The following GLDC variants were observed in gnomAD, a reference collection of about 807,000 sequenced individuals.
GLDC encodes the protein glycine decarboxylase.
Under a neutral mutation model 121.3 loss-of-function variants are expected in GLDC, and 104 were observed. The ratio of observed to expected loss-of-function variants is 0.86; its 90% CI spans 0.73 to 1.01. GLDC has a LOEUF of 1.01. Among genes scored for constraint, GLDC ranks in the 50% least tolerant of loss-of-function variants. GLDC has a pLI of 0.00. For synonymous variants in GLDC, 546 were observed against 480.6 expected (o/e 1.14, Z -1.78); for missense variants, 1,429 against 1,306.6 (o/e 1.09, Z -1.44).
intron 2 of GLDC, among the ~76,000 whole-genome samples, chr9:6,635,998 C>A (rs545771033): frequency 6.6e-6 from 1 of 152,276 alleles, no homozygotes; most frequent in Non-Finnish European, 1.5e-5. Context: ...TGAATCCTAA[C>A]GTAAACAATC....
chr9:6,618,272 T>C (rs916437858), intron 3 of GLDC, among the ~76,000 whole-genome samples: 1 of 152,172 alleles, frequency 6.6e-6, no homozygotes, highest in African/African-American at 2.4e-5. Context: ...AAAAAGAGCC[T>C]AGGAGTCCCC....
At chr9:6,576,031 G>C (rs367995615) in intron 15 of GLDC, among the ~76,000 whole-genome samples, 3 of 152,270 alleles carry the variant, frequency 2.0e-5, no homozygotes, top group African/African-American at 7.2e-5. Flanking sequence ...TTTCTTTCAG[G>C]CCCTTCAAAC....
At position 6,550,873 on chromosome 9, in the gene GLDC, C is replaced by A; in HGVS notation, c.2499G>T (p.Ala833=). 3.1e-6 allele frequency: 5 copies of A among 1,613,712 alleles called. No homozygotes were observed. Among genetic ancestry groups the A allele is most frequent in the Non-Finnish European group, 3.4e-6 (4 of 1,179,688 alleles). Reference sequence around the variant, plus strand: ...TGGCCATGTAGTTGGCATTTAATATCGCAGTTTCCGTGGCTTGTTTAAGAC... The same window carrying A: ...TGGCCATGTAGTTGGCATTTAATATAGCAGTTTCCGTGGCTTGTTTAAGAC... ...GKGLKQATET[A]ILNANYMAKR... is the part of the protein sequence containing the mutation. The change falls in exon 21 of 25, where the codon GCG becomes GCT. Residue 833 remains alanine (A), a synonymous_variant. Coordinates refer to ENST00000321612, the MANE Select transcript of GLDC (RefSeq NM_000170.3).
intron 2 of GLDC, among the ~76,000 whole-genome samples, chr9:6,629,958 T>TATATATATATATGTATATATATATA: frequency 2.5e-5 from 2 of 78,662 alleles, no homozygotes; most frequent in African/African-American, 6.1e-5. Context: ...TATATATATA[T>TATATATATATATGTATATATATATA]TTTTTTTTTT....
chr9:6,622,146 CCACACACACACAGACACACACACACA>C (rs1193320578), intron 2 of GLDC, among the ~76,000 whole-genome samples: 1 of 117,576 alleles, frequency 8.5e-6, no homozygotes, highest in Non-Finnish European at 1.7e-5. Flanking sequence ...TCACCCTCCA[CCACACACACACAGACACACACACACA>C]CACACACACA....
intron 2 of GLDC, among the ~76,000 whole-genome samples, chr9:6,637,673 C>T (rs1156705933): frequency 6.6e-6 from 1 of 151,944 alleles, no homozygotes; most frequent in Non-Finnish European, 1.5e-5. Flanking sequence ...TGCCACGTTG[C>T]CCAGGCTGAT....
At chr9:6,596,500 G>A (rs1189050596) in intron 8 of GLDC, among the ~76,000 whole-genome samples, 2 of 152,092 alleles carry the variant, frequency 1.3e-5, no homozygotes, top group African/African-American at 4.8e-5. Context: ...CAAGACTTTG[G>A]GAGGCTAAGG....
intron 2 of GLDC, chr9:6,639,295 C>T: frequency 1.1e-6 from 1 of 931,754 alleles, no homozygotes; most frequent in Non-Finnish European, 1.8e-6. Flanking sequence ...GTCCAAGACC[C>T]TGCGACTCCA....
intron 7 of GLDC, among the ~76,000 whole-genome samples, chr9:6,602,490 C>T (rs895442001): frequency 3.3e-5 from 5 of 151,626 alleles, no homozygotes; most frequent in African/African-American, 1.2e-4. Flanking sequence ...GATTCTACTG[C>T]ATCAGCCTCC....
At chr9:6,583,379 C>CT (rs1175795116) in intron 15 of GLDC, among the ~76,000 whole-genome samples, 2 of 152,112 alleles carry the variant, frequency 1.3e-5, no homozygotes, top group Admixed American at 6.5e-5. Context: ...AATATTCCAC[C>CT]TTAAAAGGAA....
chr9:6,577,106 G>A (rs1818079594), intron 15 of GLDC, among the ~76,000 whole-genome samples: 1 of 152,180 alleles, frequency 6.6e-6, no homozygotes, highest in African/African-American at 2.4e-5. Flanking sequence ...ACACAGAAAT[G>A]CCCTGGATGA....
intron 3 of GLDC, among the ~76,000 whole-genome samples, chr9:6,613,973 C>T (rs1818915134): frequency 6.6e-6 from 1 of 152,084 alleles, no homozygotes; most frequent in Non-Finnish European, 1.5e-5. Flanking sequence ...GATAGGGTTT[C>T]ACCATGTTGG....
intron 15 of GLDC, chr9:6,566,594 G>C (rs1817859520): frequency 6.6e-6 from 1 of 152,130 alleles, no homozygotes; most frequent in Non-Finnish European, 1.5e-5. Flanking sequence ...CACTTTCAGG[G>C]CATATGCCAT....
rs763601156 is a variant in GLDC at position 6,554,624 on chromosome 9, A to T, written c.2315+45T>A. ...GTAGTCTATTTAGGGCCACTCCTTCATTCTGTCTCCAAAGCCATCCTGAAA... is the reference window on the plus strand; with the variant it reads ...GTAGTCTATTTAGGGCCACTCCTTCTTTCTGTCTCCAAAGCCATCCTGAAA... On this transcript the variant is annotated intron_variant, in intron 19 of 24. Transcript: ENST00000321612. 5 of 1,335,784 alleles carry T rather than the reference A, an allele frequency of 3.7e-6. No homozygotes were observed. The South Asian group carries it at 6.1e-5, about 16-fold the overall frequency. The allele number at this position is 1,335,784 out of a possible 1,614,324, so 82.7% of individuals were successfully genotyped here.
intron 4 of GLDC, among the ~76,000 whole-genome samples, chr9:6,607,656 G>A (rs796744556): frequency 1.2e-4 from 18 of 151,746 alleles, no homozygotes; most frequent in African/African-American, 4.1e-4. Flanking sequence ...TATTTTTGGT[G>A]GGGGGAGAAC....
At chr9:6,563,982 A>C (rs1412335075) in intron 16 of GLDC, among the ~76,000 whole-genome samples, 2 of 152,016 alleles carry the variant, frequency 1.3e-5, no homozygotes, top group Non-Finnish European at 2.9e-5. Context: ...GCAGTGGCTC[A>C]CACCTATAAT....
chr9:6,623,556 A>G (rs553271674), intron 2 of GLDC, among the ~76,000 whole-genome samples: 6 of 151,180 alleles, frequency 4.0e-5, no homozygotes, highest in African/African-American at 1.5e-4. Context: ...TCCCTCCACT[A>G]TTGTCCTATG....
At chr9:6,559,830 C>T (rs549816556) in intron 16 of GLDC, among the ~76,000 whole-genome samples, 1 of 151,970 alleles carries the variant, frequency 6.6e-6, no homozygotes, top group Admixed American at 6.6e-5. Flanking sequence ...AAAAAAATAG[C>T]TAAAAATAAA....
chr9:6,631,089 G>T (rs539843462), intron 2 of GLDC, among the ~76,000 whole-genome samples: 1 of 152,336 alleles, frequency 6.6e-6, no homozygotes, highest in South Asian at 2.1e-4. Context: ...GCTGTGCCAC[G>T]TGTAAGGATA....
Sources: allele counts gnomAD v4.1 joint callset (sites outside exome capture counted in the v4.1 genomes callset), GRCh38; gene constraint gnomAD v4.1.1; transcripts MANE v1.5; gene names NCBI Gene and HGNC (gene_info 2026-07-23, HGNC 2026-07-21).